The following DOCK4 variants were observed in gnomAD, a reference collection of about 807,000 sequenced individuals.
DOCK4 encodes dedicator of cytokinesis 4.
A neutral mutation model predicts 268.1 loss-of-function variants in DOCK4; 97 were observed. The observed-to-expected ratio is 0.36, with a 90% CI of 0.31 to 0.43. The LOEUF is 0.43. DOCK4 is among the 20% of genes least tolerant of loss of function. The pLI is 1.00. For missense variants in DOCK4, 2,145 were observed against 2,455.7 expected (o/e 0.87, Z 2.67); for synonymous variants, 954 against 887.2 (o/e 1.08, Z -1.34).
intron 15 of DOCK4, among the ~76,000 whole-genome samples, chr7:111,897,412 T>C (rs13227802): frequency 0.11 from 16,511 of 152,050 alleles, 1,122 homozygotes; most frequent in African/African-American, 0.19. Context: ...GCTCTAAATA[T>C]GGCAAGTACC....
intron 1 of DOCK4, among the ~76,000 whole-genome samples, chr7:112,004,671 T>C (rs1419264384): frequency 1.3e-5 from 2 of 152,166 alleles, no homozygotes; most frequent in Admixed American, 6.5e-5. Flanking sequence ...GAGCCTAGCA[T>C]AGTATGTGGT....
At chr7:112,200,720 T>TAAAAC (rs1282576365) in intron 1 of DOCK4, among the ~76,000 whole-genome samples, 1 of 16,674 alleles carries the variant, frequency 6.0e-5, no homozygotes, top group Non-Finnish European at 1.4e-4. Context: ...TAACAGCCTC[T>TAAAAC]AAAATAAAAA....
intron 1 of DOCK4, among the ~76,000 whole-genome samples, chr7:112,111,815 T>TA (rs1811680323): frequency 6.6e-6 from 1 of 152,160 alleles, no homozygotes; most frequent in Non-Finnish European, 1.5e-5. Flanking sequence ...TTCATTCATG[T>TA]AAAAAAGAGT....
chr7:111,885,811 G>T (rs1807792324), intron 16 of DOCK4, among the ~76,000 whole-genome samples: 1 of 152,174 alleles, frequency 6.6e-6, no homozygotes. Flanking sequence ...AGAGAGATGT[G>T]CTCCCTCAGA....
At chr7:111,739,538 T>A in intron 47 of DOCK4, 61 bp from the exon 48 acceptor site, 1 of 1,370,496 alleles carries the variant, frequency 7.3e-7, no homozygotes, top group Non-Finnish European at 1.0e-6. Flanking sequence ...GACACTGACG[T>A]ATTTGAAACA....
Position 111,728,191 on chromosome 7 carries a change from G to A in DOCK4, c.*83C>T, listed in dbSNP as rs529660562. 9.5e-7 allele frequency: 1 copy of A among 1,055,662 alleles called. No homozygotes were observed. The highest frequency in any genetic ancestry group is 1.3e-6 in the Non-Finnish European group (1 of 794,420). The allele number at this position is 1,055,662 out of a possible 1,614,324, so 65.4% of individuals were successfully genotyped here. A position where few individuals can be genotyped will look rare whatever the true frequency, so the allele number is the denominator to read the frequency against. ...CGAAGGAGCTGAGTAAGTTATTAAA[G>A]TGCCTACACTAAATGTCTTCTCATC... On this transcript the variant is annotated 3_prime_UTR_variant, in exon 53 of 53. Transcript: ENST00000428084.
At chr7:111,998,573 T>A in intron 3 of DOCK4, 70 bp from the exon 4 acceptor site, 1 of 1,211,948 alleles carries the variant, frequency 8.3e-7, no homozygotes, top group Non-Finnish European at 1.2e-6. Flanking sequence ...GTCATTTGTA[T>A]AAAACACAGC....
chr7:112,081,195 G>A (rs1206585207), intron 1 of DOCK4, among the ~76,000 whole-genome samples: 1 of 152,116 alleles, frequency 6.6e-6, no homozygotes, highest in East Asian at 1.9e-4. Context: ...AGACAGGAAT[G>A]CGAATCCTGT....
chr7:111,961,037 C>A (rs1004605372), intron 8 of DOCK4, among the ~76,000 whole-genome samples: 4 of 152,080 alleles, frequency 2.6e-5, no homozygotes, highest in African/African-American at 9.7e-5. Context: ...TCTTTAGATG[C>A]ATGCACGGGG....
At chr7:111,909,590 TAAAC>T (rs1229734748) in intron 13 of DOCK4, among the ~76,000 whole-genome samples, 1 of 152,188 alleles carries the variant, frequency 6.6e-6, no homozygotes, top group East Asian at 1.9e-4. Flanking sequence ...ACTTATAAAA[TAAAC>T]AAATAAATCC....
At chr7:112,150,992 G>A (rs1816007024) in intron 1 of DOCK4, among the ~76,000 whole-genome samples, 1 of 152,176 alleles carries the variant, frequency 6.6e-6, no homozygotes, top group Admixed American at 6.5e-5. Context: ...TGGTTATTAA[G>A]TGGAAGGTGA....
At chr7:111,755,674 C>T (rs545660593) in intron 41 of DOCK4, 73 bp from the exon 42 acceptor site, 22 of 1,368,962 alleles carry the variant, frequency 1.6e-5, no homozygotes, top group Admixed American at 1.2e-4. Context: ...TAGTGTTTGT[C>T]GGTCACTGTT....
At chr7:111,864,515 G>C (rs1046864431) in intron 22 of DOCK4, among the ~76,000 whole-genome samples, 2 of 152,118 alleles carry the variant, frequency 1.3e-5, no homozygotes, top group African/African-American at 4.8e-5. Context: ...AAAATAGGTC[G>C]CGTCTACATG....
At chr7:111,857,612 C>A (rs980990678) in intron 23 of DOCK4, among the ~76,000 whole-genome samples, 5 of 152,172 alleles carry the variant, frequency 3.3e-5, no homozygotes, top group African/African-American at 1.2e-4. Flanking sequence ...AGCATTAACT[C>A]CAGCCATCTG....
At chr7:112,203,511 TCTC>T (rs1362679273) in intron 1 of DOCK4, among the ~76,000 whole-genome samples, 1 of 152,174 alleles carries the variant, frequency 6.6e-6, no homozygotes, top group Non-Finnish European at 1.5e-5. Flanking sequence ...AGCATAATTA[TCTC>T]ATACATAAAT....
chr7:112,023,528 C>A, intron 1 of DOCK4: 2 of 387,370 alleles, frequency 5.2e-6, no homozygotes, highest in South Asian at 1.9e-5. Flanking sequence ...GAAAGCACAA[C>A]ATTAGATGAC....
chr7:111,962,839 G>T (rs75846536), intron 8 of DOCK4, among the ~76,000 whole-genome samples: 2,396 of 152,250 alleles, frequency 0.016, 69 homozygotes, highest in African/African-American at 0.054. Flanking sequence ...GTTACAAGCA[G>T]ACAGGAAACC....
chr7:112,019,104 T>C (rs890624869), intron 1 of DOCK4, among the ~76,000 whole-genome samples: 5 of 152,138 alleles, frequency 3.3e-5, no homozygotes, highest in Admixed American at 2.0e-4. Flanking sequence ...GATAATAAGA[T>C]TCAAAAGAAA....
intron 1 of DOCK4, among the ~76,000 whole-genome samples, chr7:112,187,249 T>C (rs1260201046): frequency 6.6e-6 from 1 of 152,116 alleles, no homozygotes; most frequent in African/African-American, 2.4e-5. Context: ...TCCTGGCAAA[T>C]TGCTGAAAAC....
Sources: allele counts gnomAD v4.1 joint callset (sites outside exome capture counted in the v4.1 genomes callset), GRCh38; gene constraint gnomAD v4.1.1; transcripts MANE v1.5; gene names NCBI Gene and HGNC (gene_info 2026-07-23, HGNC 2026-07-21).